ZFR2: variants seen among roughly 807,000 people sequenced by gnomAD.
ZFR2 encodes the protein zinc finger RNA binding protein 2, also known as zinc finger RNA-binding protein 2.
A neutral mutation model predicts 105.7 loss-of-function variants in ZFR2; 104 were observed. The observed-to-expected ratio is 0.98, with a 90% confidence interval of 0.84 to 1.16. The LOEUF (loss-of-function observed/expected upper bound fraction) is 1.16, where lower values mean the gene tolerates loss of function less well. Ranked by LOEUF, ZFR2 falls within the 50% of genes most tolerant of loss-of-function variation. ZFR2 has a pLI of 0.00. For synonymous variants in ZFR2, 634 were observed against 597.7 expected (o/e 1.06, Z -0.89); for missense variants, 1,425 against 1,355.5 (o/e 1.05, Z -0.80).
In ZFR2 at chr19:3,823,564, G is replaced by A. The variant is rs945499645; in HGVS notation, c.1214-161C>T. Among the ~76,000 whole-genome samples the A allele has an allele frequency of 1.6e-4, 24 of 152,126 alleles. No homozygotes were observed. Among genetic ancestry groups the A allele is most frequent in the African/African-American group, 4.8e-4 (20 of 41,432 alleles). ...GGGAATGGCCCCGGACAGCAACCTC[G>A]CTCTCCCTTTCATGCCTGCGTGTGA... On this transcript the variant is annotated intron_variant, in intron 7 of 18. Coordinates refer to ENST00000262961, the MANE Select transcript of ZFR2 (RefSeq NM_015174.2). The surrounding 1 kb of genome is among the most constrained non-coding windows in gnomAD (Gnocchi z 5.4).
At chr19:3,809,565 C>T (rs971863884) in intron 16 of ZFR2, among the ~76,000 whole-genome samples, 3 of 152,192 alleles carry the variant, frequency 2.0e-5, no homozygotes, top group Admixed American at 6.5e-5. Context: ...GCTTTCTCCA[C>T]GTCAGGACAG....
chr19:3,840,309 C>T lies in ZFR2; in HGVS notation c.54-5326G>A, dbSNP rs373884513. Among the ~76,000 whole-genome samples, 18 of 149,880 alleles carry T rather than the reference C, an allele frequency of 1.2e-4. 3 individuals are homozygous for T. Among genetic ancestry groups the T allele is most frequent in the East Asian group, 3.9e-4 (2 of 5,086 alleles). On this transcript the variant is annotated intron_variant, in intron 1 of 18. Transcript: ENST00000262961. ...CTGGAGTGAAATGGTGTGATCTCGG[C>T]TCACAGCAACCTCTGCCCCTCGGGT...
Position 3,813,679 on chromosome 19 carries a change from G to A in ZFR2, c.2242+141C>T. On this transcript the variant is annotated intron_variant, in intron 14 of 18. Coordinates refer to ENST00000262961, the MANE Select transcript of ZFR2 (RefSeq NM_015174.2). This position sits in a 1 kb window ranked among gnomAD's most constrained non-coding sequence, Gnocchi z 4.4. ...TCTTGTGTGACCCATGGAATCCTCAGGGGGACAGCAGTGCTGGAGCGTGGC... is the reference window on the plus strand; with the variant it reads ...TCTTGTGTGACCCATGGAATCCTCAAGGGGACAGCAGTGCTGGAGCGTGGC... 1.6e-6 allele frequency: 2 copies of A among 1,239,654 alleles called. No individual in the cohort carries two copies. The highest frequency in any genetic ancestry group is 2.2e-6 in the Non-Finnish European group (2 of 898,564). The allele number at this position is 1,239,654 out of a possible 1,614,324, so 76.8% of individuals were successfully genotyped here.
Position 3,841,544 on chromosome 19 carries a change from G to A in ZFR2, c.54-6561C>T, listed in dbSNP as rs376251299. ...TACAAAAAATAAAAAAAAATTAGCC[G>A]GGTGTGGTGGAGCACCTGTAGTCCC... On this transcript the variant is annotated intron_variant, in intron 1 of 18. Transcript: ENST00000262961. Among the ~76,000 whole-genome samples, 23 of 152,112 alleles carry A rather than the reference G, an allele frequency of 1.5e-4. 2 individuals are homozygous for A. Among genetic ancestry groups the A allele is most frequent in the South Asian group, 4.2e-4 (2 of 4,814 alleles).
At chr19:3,847,174 G>A (rs2038192616) in intron 1 of ZFR2, among the ~76,000 whole-genome samples, 1 of 152,202 alleles carries the variant, frequency 6.6e-6, no homozygotes, top group African/African-American at 2.4e-5. Flanking sequence ...AGGGGAGAGG[G>A]CGGCACACAC....
chr19:3,847,164 A>AG (rs2038192459), intron 1 of ZFR2, among the ~76,000 whole-genome samples: 1 of 152,198 alleles, frequency 6.6e-6, no homozygotes, highest in African/African-American at 2.4e-5. Flanking sequence ...GAGGGAGAGC[A>AG]GGGGAGAGGG....
At chr19:3,812,597 C>G (rs577558747) in intron 14 of ZFR2, among the ~76,000 whole-genome samples, 1 of 152,034 alleles carries the variant, frequency 6.6e-6, no homozygotes. Context: ...CCTTAACCCG[C>G]CCCCACAACC....
chr19:3,808,584 C>T (rs541870736), intron 17 of ZFR2, among the ~76,000 whole-genome samples: 41 of 152,346 alleles, frequency 2.7e-4, no homozygotes, highest in African/African-American at 9.9e-4. Context: ...TCTGTGCCGC[C>T]GCCGGTGGGC....
chr19:3,833,608 C>A, intron 3 of ZFR2, 56 bp downstream of exon 3: 1 of 1,372,546 alleles, frequency 7.3e-7, no homozygotes, highest in East Asian at 2.5e-5. Flanking sequence ...CCAAGGTTTC[C>A]CTGTGCTGCG....
intron 17 of ZFR2, among the ~76,000 whole-genome samples, chr19:3,807,722 GC>G (rs2037714025): frequency 6.7e-6 from 1 of 148,652 alleles, no homozygotes; most frequent in African/African-American, 2.5e-5. Context: ...TGCACGGTGT[GC>G]CCGTGTGTGT....
At chr19:3,840,575 G>T (rs2038124686) in intron 1 of ZFR2, among the ~76,000 whole-genome samples, 1 of 152,036 alleles carries the variant, frequency 6.6e-6, no homozygotes, top group South Asian at 2.1e-4. Flanking sequence ...TGTCGCTCAG[G>T]CTGGAGTGTA....
intron 1 of ZFR2, among the ~76,000 whole-genome samples, chr19:3,849,571 C>T (rs1239984723): frequency 2.0e-5 from 3 of 152,224 alleles, no homozygotes; most frequent in African/African-American, 7.2e-5. Flanking sequence ...AGACCTTGAC[C>T]AGTTAAGAAC....
At chr19:3,851,023 AC>A (rs1375678633) in intron 1 of ZFR2, among the ~76,000 whole-genome samples, 1 of 150,954 alleles carries the variant, frequency 6.6e-6, no homozygotes, top group Non-Finnish European at 1.5e-5. Context: ...ACCAGAAACC[AC>A]CCCCTGCTGG....
chr19:3,821,964 T>C (rs967219144), intron 9 of ZFR2, 117 bp downstream of exon 9: 2 of 1,406,146 alleles, frequency 1.4e-6, no homozygotes, highest in African/African-American at 2.9e-5. Context: ...AAATCACCCC[T>C]CCCTCTTAAG....
intron 10 of ZFR2, 86 bp from the exon 11 acceptor site, chr19:3,820,376 TC>T: frequency 7.7e-7 from 1 of 1,299,760 alleles, no homozygotes; most frequent in Non-Finnish European, 1.0e-6. Context: ...GGCCTTATGC[TC>T]CCAGCAAGGA....
chr19:3,864,405 CA>C (rs2038407571), intron 1 of ZFR2, among the ~76,000 whole-genome samples: 1 of 147,668 alleles, frequency 6.8e-6, no homozygotes, highest in African/African-American at 2.5e-5. Context: ...AACAAACAAA[CA>C]AACAGAGGTT....
rs545458291 is a variant in ZFR2, at chr19:3,838,403, G to A, written c.54-3420C>T. On this transcript the variant is annotated intron_variant, in intron 1 of 18. Coordinates refer to ENST00000262961, the MANE Select transcript of ZFR2 (RefSeq NM_015174.2). The surrounding 1 kb of genome is among the most constrained non-coding windows in gnomAD (Gnocchi z 4.9). ...TGCTATCCAGGCTGCACTGAGCACC[G>A]ACCGATGAGCCAAAGAGAGGAAGGT... Among the ~76,000 whole-genome samples the A allele has an allele frequency of 1.6e-4, 24 of 152,250 alleles. No individual in the cohort carries two copies. Among genetic ancestry groups the A allele is most frequent in the Middle Eastern group, 6.8e-3 (2 of 294 alleles).
chr19:3,834,851 G>T lies in ZFR2; in HGVS notation c.186C>A (p.Pro62=), dbSNP rs765140000. 30 of 1,612,196 alleles carry T rather than the reference G, an allele frequency of 1.9e-5. No homozygotes were observed. The highest frequency in any genetic ancestry group is 2.5e-5 in the Non-Finnish European group (29 of 1,179,318). ...AAPAGYGGYQ[P]HSGQDFAYGS... is the part of the protein sequence containing the mutation. The stretch of plus-strand genomic sequence containing the variant: ...CGTAGGCGAAGTCCTGGCCGGAGTG[G>T]GGCTGGTATCCACCGTACCCTGCCG... Residue 62 remains proline, a synonymous_variant, in exon 2 of 19, where the codon CCC becomes CCA. Coordinates refer to ENST00000262961, the MANE Select transcript of ZFR2 (RefSeq NM_015174.2). This position sits in a 1 kb window ranked among gnomAD's most constrained non-coding sequence, Gnocchi z 5.3.
intron 1 of ZFR2, among the ~76,000 whole-genome samples, chr19:3,846,838 C>T (rs1007307950): frequency 1.3e-5 from 2 of 152,200 alleles, no homozygotes; most frequent in African/African-American, 4.8e-5. Flanking sequence ...GATTGGTGGA[C>T]ATTTATACTA....
Sources: allele counts gnomAD v4.1 joint callset (sites outside exome capture counted in the v4.1 genomes callset), GRCh38; gene constraint gnomAD v4.1.1; non-coding constraint Gnocchi (gnomAD v3.1); transcripts MANE v1.5; gene names NCBI Gene and HGNC (gene_info 2026-07-23, HGNC 2026-07-21).